VAV3: variants seen among roughly 807,000 people sequenced by gnomAD.
VAV3 encodes vav guanine nucleotide exchange factor 3.
In VAV3, 94 loss-of-function variants were observed where a neutral mutation model predicts 131.2. That is an observed-to-expected ratio of 0.72 (90% CI 0.61 to 0.85). VAV3 has a LOEUF of 0.85. Ranked by LOEUF, VAV3 falls within the 40% of genes least tolerant of loss-of-function variation. The pLI is 0.00. For missense variants in VAV3, 939 were observed against 1,002.7 expected (o/e 0.94, Z 0.86); for synonymous variants, 349 against 342.0 (o/e 1.02, Z -0.22).
In VAV3 at chr1:107,603,119, A is replaced by T; in HGVS notation, c.2060T>A (p.Ile687Asn). Residue 687 changes from isoleucine (I) to asparagine (N), a missense_variant, in exon 23 of 27, where the codon ATT (isoleucine) becomes AAT (asparagine). Physicochemically the swap from Ile to Asn is moderately radical, Grantham distance 149. Coordinates refer to ENST00000370056, the MANE Select transcript of VAV3 (RefSeq NM_006113.5). ...AAGGTAAGTACTATTTACCCTATTA[A>T]TAAGTTCGGTCTCTGCTTGCAATCT... ...MERLQAETEL[I>N]NRVNSTYLVR... 6.2e-7 allele frequency: 1 copy of T among 1,613,616 alleles called. No homozygotes were observed.
chr1:107,957,809 T>C (rs528868620), intron 1 of VAV3, among the ~76,000 whole-genome samples: 6 of 152,050 alleles, frequency 3.9e-5, no homozygotes, highest in African/African-American at 1.2e-4. Context: ...ATTTGAAAAT[T>C]AGAAAATATG....
chr1:107,728,311 G>A (rs999250789), intron 15 of VAV3, among the ~76,000 whole-genome samples: 2 of 152,058 alleles, frequency 1.3e-5, no homozygotes, highest in African/African-American at 4.8e-5. Flanking sequence ...GGGATTAAAG[G>A]ACCTGGTTCC....
chr1:107,804,960 G>C (rs894057457), intron 2 of VAV3, among the ~76,000 whole-genome samples: 3 of 151,640 alleles, frequency 2.0e-5, no homozygotes, highest in African/African-American at 2.4e-5. Context: ...GTGGGGTGGG[G>C]GTTGGGTTTT....
chr1:107,733,882 T>C (rs1198146741), intron 15 of VAV3, among the ~76,000 whole-genome samples: 3 of 151,072 alleles, frequency 2.0e-5, no homozygotes, highest in Admixed American at 2.0e-4. Context: ...ATTCAGGAAA[T>C]ACAGAGAACA....
intron 19 of VAV3, chr1:107,668,792 T>A: frequency 2.0e-6 from 2 of 984,864 alleles, no homozygotes; most frequent in Non-Finnish European, 2.4e-6. Context: ...TAACATTAAC[T>A]TTAGCTTATA....
intron 2 of VAV3, among the ~76,000 whole-genome samples, chr1:107,826,945 GATA>G (rs1457182927): frequency 6.6e-6 from 1 of 151,998 alleles, no homozygotes; most frequent in Non-Finnish European, 1.5e-5. Flanking sequence ...ATATTAAAAA[GATA>G]ATATTTTAAT....
chr1:107,727,536 C>T (rs1661922576), intron 15 of VAV3, among the ~76,000 whole-genome samples: 1 of 152,204 alleles, frequency 6.6e-6, no homozygotes, highest in Non-Finnish European at 1.5e-5. Flanking sequence ...TGTGAATTCT[C>T]ATTTGCCAAA....
intron 17 of VAV3, among the ~76,000 whole-genome samples, chr1:107,697,279 C>T (rs1480949501): frequency 6.6e-6 from 1 of 152,174 alleles, no homozygotes; most frequent in Non-Finnish European, 1.5e-5. Context: ...AAGGAAGCCT[C>T]CTAGGCAGGT....
chr1:107,722,779 T>C (rs564096280), intron 15 of VAV3, among the ~76,000 whole-genome samples: 5 of 150,796 alleles, frequency 3.3e-5, no homozygotes, highest in South Asian at 2.1e-4. Flanking sequence ...TAAAGAGTGA[T>C]GAAACAAACT....
At chr1:107,661,744 C>T (rs758444025) in intron 19 of VAV3, among the ~76,000 whole-genome samples, 2 of 152,058 alleles carry the variant, frequency 1.3e-5, no homozygotes, top group Non-Finnish European at 2.9e-5. Flanking sequence ...ACAAATATGA[C>T]AATATGGGGC....
At chr1:107,747,363 A>G (rs1663415490) in intron 15 of VAV3, among the ~76,000 whole-genome samples, 1 of 152,226 alleles carries the variant, frequency 6.6e-6, no homozygotes, top group Non-Finnish European at 1.5e-5. Flanking sequence ...ACCCATAAAA[A>G]AAAAAGCCTA....
In VAV3 at chr1:107,928,162, C is replaced by T. The variant is rs546955847; in HGVS notation, c.204+36504G>A. Among the ~76,000 whole-genome samples the T allele has an allele frequency of 3.3e-5, 5 of 152,310 alleles. 1 individual carries two copies. Among genetic ancestry groups the T allele is most frequent in the African/African-American group, 1.2e-4 (5 of 41,570 alleles). On this transcript the variant is annotated intron_variant, in intron 1 of 26. Transcript: ENST00000370056. Reference sequence around the variant, plus strand: ...GCTTCCAGATCTTATCAAAGACCATCAAGGCGGTGCCTCTACAACTCTACA... The same window carrying T: ...GCTTCCAGATCTTATCAAAGACCATTAAGGCGGTGCCTCTACAACTCTACA...
At chr1:107,680,004 G>A (rs1249416520) in intron 19 of VAV3, among the ~76,000 whole-genome samples, 1 of 151,998 alleles carries the variant, frequency 6.6e-6, no homozygotes, top group Non-Finnish European at 1.5e-5. Flanking sequence ...GCACACAATA[G>A]AAGACAAGAA....
intron 17 of VAV3, among the ~76,000 whole-genome samples, chr1:107,703,772 T>C (rs1176695901): frequency 2.0e-5 from 3 of 152,178 alleles, no homozygotes; most frequent in Non-Finnish European, 4.4e-5. Flanking sequence ...GATCCTTTCT[T>C]GTGTTCAAAA....
chr1:107,668,014 T>C (rs1657531616), intron 19 of VAV3, among the ~76,000 whole-genome samples: 1 of 152,124 alleles, frequency 6.6e-6, no homozygotes, highest in South Asian at 2.1e-4. Flanking sequence ...TCCTCTCTCA[T>C]CCAGGACCCA....
chr1:107,763,988 C>A (rs1664586614), intron 9 of VAV3, among the ~76,000 whole-genome samples: 1 of 150,104 alleles, frequency 6.7e-6, no homozygotes, highest in African/African-American at 2.5e-5. Flanking sequence ...TAATAAAATT[C>A]AAAATACATG....
intron 9 of VAV3, 28 bp from the exon 10 acceptor site, chr1:107,760,907 T>C: frequency 1.3e-6 from 2 of 1,549,872 alleles, no homozygotes; most frequent in Non-Finnish European, 1.8e-6. Flanking sequence ...AAACACTTTG[T>C]TAGGGAGTCA....
At chr1:107,674,770 C>A (rs1372254164) in intron 19 of VAV3, among the ~76,000 whole-genome samples, 1 of 152,134 alleles carries the variant, frequency 6.6e-6, no homozygotes, top group Non-Finnish European at 1.5e-5. Flanking sequence ...ATGTGGGTAG[C>A]CAAAAGAATA....
chr1:107,737,538 G>A (rs1662731768), intron 15 of VAV3, among the ~76,000 whole-genome samples: 1 of 152,162 alleles, frequency 6.6e-6, no homozygotes, highest in African/African-American at 2.4e-5. Flanking sequence ...TCAAAAAGTA[G>A]GCAAAGGATA....
Sources: gnomAD v4.1 joint callset for allele counts (sites outside exome capture counted in the v4.1 genomes callset) on GRCh38, gnomAD v4.1.1 for gene constraint, MANE v1.5 for transcripts, NCBI Gene and HGNC (gene_info 2026-07-23, HGNC 2026-07-21) for gene names.